The following HS6ST3 variants were observed in gnomAD, a reference collection of about 807,000 sequenced individuals.
HS6ST3 encodes the protein heparan-sulfate 6-O-sulfotransferase 3.
HS6ST3 carries 12 observed loss-of-function variants against 36.7 expected under a neutral mutation model. That is an observed-to-expected ratio of 0.33 (90% CI 0.21 to 0.53). HS6ST3 has a LOEUF of 0.53. Ranked by LOEUF, HS6ST3 falls within the 20% of genes least tolerant of loss-of-function variation. The pLI, the probability that HS6ST3 is intolerant of heterozygous loss-of-function variation, is 0.95. For synonymous variants in HS6ST3, 240 were observed against 257.5 expected (o/e 0.93, Z 0.65); for missense variants, 584 against 640.9 (o/e 0.91, Z 0.96).
intron 1 of HS6ST3, among the ~76,000 whole-genome samples, chr13:96,193,675 G>A (rs981552410): frequency 6.6e-6 from 1 of 152,182 alleles, no homozygotes. Flanking sequence ...GAAAAAGAAA[G>A]CGAGAGGTAG....
intron 1 of HS6ST3, among the ~76,000 whole-genome samples, chr13:96,189,848 G>A (rs546799856): frequency 6.6e-5 from 10 of 152,288 alleles, no homozygotes; most frequent in African/African-American, 2.2e-4. Context: ...GGTGCATCAT[G>A]TTTGCTCACA....
rs114147067 is a variant in HS6ST3 at position 96,588,003 on chromosome 13, T to G, written c.708-244487T>G. Among the ~76,000 whole-genome samples, 884 of 152,340 alleles carry G rather than the reference T, an allele frequency of 5.8e-3. 5 individuals carry two copies. The highest frequency in any genetic ancestry group is 0.02 in the African/African-American group (836 of 41,576). On this transcript the variant is annotated intron_variant, in intron 1 of 1. Coordinates refer to ENST00000376705, the MANE Select transcript of HS6ST3 (RefSeq NM_153456.4). ...AAATTTATTTCTAATTGTTTTATGT[T>G]TTGATGCTATTTTGAATGGGATTAT...
chr13:96,290,615 C>T (rs1399228082), intron 1 of HS6ST3, among the ~76,000 whole-genome samples: 2 of 152,098 alleles, frequency 1.3e-5, no homozygotes, highest in African/African-American at 4.8e-5. Flanking sequence ...TAGGAGCAGG[C>T]AGCCTTTACA....
chr13:96,653,430 A>G (rs375109734), intron 1 of HS6ST3, among the ~76,000 whole-genome samples: 1 of 151,392 alleles, frequency 6.6e-6, no homozygotes, highest in Non-Finnish European at 1.5e-5. Flanking sequence ...TCATTGTTCA[A>G]CTCCCACTTA....
chr13:96,684,079 C>T (rs1038867624), intron 1 of HS6ST3, among the ~76,000 whole-genome samples: 3 of 152,078 alleles, frequency 2.0e-5, no homozygotes, highest in African/African-American at 2.4e-5. Context: ...TTTTGGGTGG[C>T]GTAGACTAAC....
intron 1 of HS6ST3, among the ~76,000 whole-genome samples, chr13:96,551,745 C>T (rs2056220225): frequency 6.6e-6 from 1 of 152,178 alleles, no homozygotes; most frequent in African/African-American, 2.4e-5. Context: ...CTCAGAACCA[C>T]AGCCATCCTC....
At chr13:96,634,863 G>T (rs1043559101) in intron 1 of HS6ST3, among the ~76,000 whole-genome samples, 3 of 152,176 alleles carry the variant, frequency 2.0e-5, no homozygotes, top group Admixed American at 2.0e-4. Flanking sequence ...CCCAAGGATT[G>T]TTTCTACTCC....
At chr13:96,616,698 C>T (rs1271119752) in intron 1 of HS6ST3, among the ~76,000 whole-genome samples, 1 of 152,126 alleles carries the variant, frequency 6.6e-6, no homozygotes, top group East Asian at 1.9e-4. Flanking sequence ...ACCCAAAGCT[C>T]AATTATTATT....
chr13:96,184,065 G>T (rs994639161), intron 1 of HS6ST3, among the ~76,000 whole-genome samples: 1 of 151,836 alleles, frequency 6.6e-6, no homozygotes, highest in African/African-American at 2.4e-5. Context: ...GCTGGACGTG[G>T]TGGTGCATGC....
At chr13:96,767,506 TA>T (rs1174756251) in intron 1 of HS6ST3, among the ~76,000 whole-genome samples, 2 of 152,202 alleles carry the variant, frequency 1.3e-5, no homozygotes, top group African/African-American at 2.4e-5. Context: ...TGCAAAAGCA[TA>T]AAAAATCTTC....
intron 1 of HS6ST3, among the ~76,000 whole-genome samples, chr13:96,555,926 G>T (rs1439135206): frequency 1.3e-5 from 2 of 152,124 alleles, no homozygotes; most frequent in Non-Finnish European, 2.9e-5. Flanking sequence ...GCTAGACAGA[G>T]ACAATAAATT....
At chr13:96,103,827 G>A (rs370004205) in intron 1 of HS6ST3, among the ~76,000 whole-genome samples, 7 of 152,094 alleles carry the variant, frequency 4.6e-5, no homozygotes, top group African/African-American at 1.2e-4. Flanking sequence ...AGAGTAATGA[G>A]CAGTTCCTTT....
At chr13:96,321,114 C>G (rs1395283437) in intron 1 of HS6ST3, among the ~76,000 whole-genome samples, 2 of 149,084 alleles carry the variant, frequency 1.3e-5, no homozygotes, top group Admixed American at 6.7e-5. Context: ...CTAGTGAACT[C>G]AACTTTTTTT....
chr13:96,331,775 C>G (rs1323496298), intron 1 of HS6ST3, among the ~76,000 whole-genome samples: 1 of 152,046 alleles, frequency 6.6e-6, no homozygotes, highest in Non-Finnish European at 1.5e-5. Context: ...CGCCCCTCCC[C>G]CAGCCTCGCT....
intron 1 of HS6ST3, among the ~76,000 whole-genome samples, chr13:96,504,947 C>G (rs370254564): frequency 2.6e-5 from 4 of 152,182 alleles, no homozygotes; most frequent in African/African-American, 9.6e-5. Flanking sequence ...TCAGGCTTCT[C>G]TTCCTGTCAC....
intron 1 of HS6ST3, among the ~76,000 whole-genome samples, chr13:96,351,353 G>A (rs1202010224): frequency 1.5e-5 from 2 of 137,924 alleles, no homozygotes; most frequent in Non-Finnish European, 1.5e-5. Context: ...ACAAGGTCTT[G>A]CTGGGTTGCC....
intron 1 of HS6ST3, among the ~76,000 whole-genome samples, chr13:96,281,044 A>G (rs1265099033): frequency 2.0e-5 from 3 of 152,018 alleles, no homozygotes; most frequent in Non-Finnish European, 2.9e-5. Context: ...GTCTCGCTCT[A>G]TCACTAGGCT....
intron 1 of HS6ST3, among the ~76,000 whole-genome samples, chr13:96,533,925 C>A (rs970257426): frequency 2.3e-4 from 35 of 152,212 alleles, no homozygotes; most frequent in African/African-American, 7.7e-4. Context: ...GTCATAGTCA[C>A]TTGCCCTATC....
At chr13:96,526,005 T>A (rs7325688) in intron 1 of HS6ST3, among the ~76,000 whole-genome samples, 2 of 152,024 alleles carry the variant, frequency 1.3e-5, no homozygotes, top group African/African-American at 2.4e-5. Flanking sequence ...ACAAACTGAG[T>A]GAAGAGGAAG....
Sources: gnomAD v4.1 joint callset for allele counts (sites outside exome capture counted in the v4.1 genomes callset) on GRCh38, gnomAD v4.1.1 for gene constraint, MANE v1.5 for transcripts, NCBI Gene and HGNC (gene_info 2026-07-23, HGNC 2026-07-21) for gene names.